SLC6A13: variants seen among roughly 807,000 people sequenced by gnomAD.
The protein encoded by SLC6A13 is sodium- and chloride-dependent GABA transporter 2.
Under a neutral mutation model 72.9 loss-of-function variants are expected in SLC6A13, and 69 were observed. The observed-to-expected ratio is 0.95, with a 90% confidence interval of 0.78 to 1.16. SLC6A13 has a LOEUF of 1.16. SLC6A13 is among the 50% of genes most tolerant of loss of function. The pLI is 0.00. For synonymous variants in SLC6A13, 303 were observed against 303.0 expected (o/e 1.00, Z 0.00); for missense variants, 735 against 760.5 (o/e 0.97, Z 0.39).
chr12:261,650 G>A (rs917965312), intron 1 of SLC6A13, among the ~76,000 whole-genome samples: 1 of 152,218 alleles, frequency 6.6e-6, no homozygotes, highest in Non-Finnish European at 1.5e-5. Flanking sequence ...GAACAGGCCG[G>A]GTGCAATGGC....
chr12:227,683 G>A lies in SLC6A13; in HGVS notation c.832-15C>T, dbSNP rs754931357. On this transcript the variant is annotated splice_polypyrimidine_tract_variant and intron_variant, in intron 7 of 14. Transcript: ENST00000343164. ...TCCATCCACACCTACAAAGGGGAAGGGCAAGAAAGGTGAACTCCCAGGAAA... is the reference window on the plus strand; with the variant it reads ...TCCATCCACACCTACAAAGGGGAAGAGCAAGAAAGGTGAACTCCCAGGAAA... 1.9e-6 allele frequency: 3 copies of A among 1,580,868 alleles called. No individual in the cohort carries two copies. Among genetic ancestry groups the A allele is most frequent in the Admixed American group, 1.7e-5 (1 of 57,488 alleles).
intron 4 of SLC6A13, among the ~76,000 whole-genome samples, chr12:240,763 G>A (rs554450372): frequency 4.1e-4 from 62 of 152,332 alleles, no homozygotes; most frequent in African/African-American, 1.3e-3. Context: ...CTGGGGTGTC[G>A]GAGGAGGTAC....
intron 7 of SLC6A13, among the ~76,000 whole-genome samples, chr12:233,708 G>A (rs1423192746): frequency 1.3e-5 from 2 of 152,290 alleles, no homozygotes; most frequent in South Asian, 4.1e-4. Flanking sequence ...GGACACCCTT[G>A]AGTAAGGACT....
chr12:242,715 T>C lies in SLC6A13; in HGVS notation c.377A>G (p.Asn126Ser). The C allele has an allele frequency of 6.2e-7, 1 of 1,603,448 alleles. No homozygotes were observed. Among genetic ancestry groups the C allele is most frequent in the Non-Finnish European group, 8.5e-7 (1 of 1,174,776 alleles). ...YASQMIVILL[N>S]VYYIIVLAWA... ...GGCCAACACAATGATGTAGTAGACG[T>C]TGAGGAGGATGACGATCATCTGGGA... The change falls in exon 4 of 15, where the codon AAC becomes AGC. Residue 126 changes from asparagine to serine, a missense_variant. Physicochemically the swap from Asn to Ser is conservative, Grantham distance 46. Transcript: ENST00000343164.
At chr12:246,473 G>A (rs901432406) in intron 2 of SLC6A13, among the ~76,000 whole-genome samples, 1 of 152,208 alleles carries the variant, frequency 6.6e-6, no homozygotes, top group African/African-American at 2.4e-5. Flanking sequence ...TTACAAAGAT[G>A]TTAGAATTAG....
At chr12:225,757 C>T (rs534525132) in intron 9 of SLC6A13, among the ~76,000 whole-genome samples, 8 of 151,972 alleles carry the variant, frequency 5.3e-5, no homozygotes, top group Non-Finnish European at 8.8e-5. Context: ...GTGGCCCAGG[C>T]GTGCTTCTGA....
At chr12:248,026 A>G (rs1273687534) in intron 2 of SLC6A13, among the ~76,000 whole-genome samples, 2 of 151,614 alleles carry the variant, frequency 1.3e-5, no homozygotes, top group Non-Finnish European at 2.9e-5. Flanking sequence ...AATTATTCCA[A>G]AAAAAAAGCA....
chr12:256,787 C>T (rs1213500862), intron 2 of SLC6A13: 1 of 152,176 alleles, frequency 6.6e-6, no homozygotes, highest in African/African-American at 2.4e-5. Flanking sequence ...CCGCCAAGCA[C>T]AAGAGTGGCT....
At position 222,617 on chromosome 12, in the gene SLC6A13, T is replaced by C. The variant is rs1330605882; in HGVS notation, c.1430A>G (p.Tyr477Cys). Residue 477 changes from tyrosine (Y) to cysteine (C), a missense_variant, in exon 13 of 15, where the codon TAC (tyrosine) becomes TGC (cysteine). By Grantham distance (194) the Tyr-to-Cys change is radical. Coordinates refer to ENST00000343164, the MANE Select transcript of SLC6A13 (RefSeq NM_016615.5). ...CCCAATCATGTCTTCGATGTTGTCG[T>C]AGAAGCGCTTGGCTCCTACCATGGA... ...VAWVYGAKRF[Y>C]DNIEDMIGYR... 8 of 1,606,146 alleles carry C rather than the reference T, an allele frequency of 5.0e-6. No individual in the cohort carries two copies. Among genetic ancestry groups the C allele is most frequent in the Non-Finnish European group, 6.8e-6 (8 of 1,175,026 alleles).
chr12:248,496 G>A (rs1336241528), intron 2 of SLC6A13, among the ~76,000 whole-genome samples: 1 of 151,072 alleles, frequency 6.6e-6, no homozygotes, highest in African/African-American at 2.4e-5. Flanking sequence ...GTAAACTTCA[G>A]AGCAAAGAAT....
rs147391649 is a variant in SLC6A13, at chr12:225,011, T to C, written c.1061-498A>G. Reference sequence around the variant, plus strand: ...AATCGCTCCAAGGCCAGAGTTGGCCTCCAGTTACCACCTCTGCGCCCGGAG... The same window carrying C: ...AATCGCTCCAAGGCCAGAGTTGGCCCCCAGTTACCACCTCTGCGCCCGGAG... On this transcript the variant is annotated intron_variant, in intron 9 of 14. Transcript: ENST00000343164. Among the ~76,000 whole-genome samples, 4 of 152,352 alleles carry C rather than the reference T, an allele frequency of 2.6e-5. No homozygotes were observed. In the East Asian group the frequency reaches 7.7e-4, roughly 29 times the overall value.
At chr12:236,356 G>A (rs1941931579) in intron 6 of SLC6A13, among the ~76,000 whole-genome samples, 1 of 152,102 alleles carries the variant, frequency 6.6e-6, no homozygotes. Flanking sequence ...CAGCGGCCCA[G>A]CTGTAAAATT....
intron 2 of SLC6A13, among the ~76,000 whole-genome samples, chr12:247,333 T>A (rs28880686): frequency 0.052 from 7,956 of 151,786 alleles, 561 homozygotes; most frequent in East Asian, 0.31. Context: ...ACCTTAAAAG[T>A]CACCAGAGAA....
chr12:233,066 T>C (rs193092843), intron 7 of SLC6A13, among the ~76,000 whole-genome samples: 8 of 152,334 alleles, frequency 5.3e-5, no homozygotes, highest in African/African-American at 1.9e-4. Context: ...TCCCAGTGTG[T>C]CTTCCACGTG....
chr12:239,827 C>T (rs1044286215), intron 4 of SLC6A13, among the ~76,000 whole-genome samples: 1 of 152,200 alleles, frequency 6.6e-6, no homozygotes, highest in Non-Finnish European at 1.5e-5. Flanking sequence ...CGCTGCAGTG[C>T]ACCCAGAAAA....
chr12:245,396 A>G (rs1942312973), intron 2 of SLC6A13, among the ~76,000 whole-genome samples: 1 of 152,140 alleles, frequency 6.6e-6, no homozygotes, highest in Non-Finnish European at 1.5e-5. Flanking sequence ...AGAAATACGA[A>G]ATTGGCCGGG....
At chr12:260,174 T>G in intron 1 of SLC6A13, 117 bp from the exon 2 acceptor site, 1 of 1,093,318 alleles carries the variant, frequency 9.1e-7, no homozygotes, top group Non-Finnish European at 1.3e-6. Flanking sequence ...TGAATTTCTA[T>G]TCCCTTCCCT....
intron 9 of SLC6A13, 125 bp downstream of exon 9, chr12:226,265 C>T (rs1941447865): frequency 8.8e-7 from 1 of 1,140,612 alleles, no homozygotes; most frequent in Non-Finnish European, 1.3e-6. Flanking sequence ...TCCCAGAACG[C>T]ATCCACTGAA....
chr12:247,253 G>GA (rs565098507), intron 2 of SLC6A13, among the ~76,000 whole-genome samples: 312 of 148,742 alleles, frequency 2.1e-3, no homozygotes, highest in Non-Finnish European at 3.7e-3. Context: ...AAAAAAAAAT[G>GA]AAAAAAAACT....
Sources: allele counts gnomAD v4.1 joint callset (sites outside exome capture counted in the v4.1 genomes callset), GRCh38; gene constraint gnomAD v4.1.1; transcripts MANE v1.5; gene names NCBI Gene and HGNC (gene_info 2026-07-23, HGNC 2026-07-21).